The following RYR3 variants were observed in gnomAD, a reference collection of about 807,000 sequenced individuals.
RYR3 encodes brain ryanodine receptor-calcium release channel.
A neutral mutation model predicts 584.3 loss-of-function variants in RYR3; 207 were observed. The ratio of observed to expected loss-of-function variants is 0.35; its 90% CI spans 0.32 to 0.40. RYR3 has a LOEUF of 0.40. RYR3 is among the 10% of genes least tolerant of loss of function. RYR3 has a pLI of 1.00. For synonymous variants in RYR3, 2,416 were observed against 2,248.5 expected (o/e 1.07, Z -2.11); for missense variants, 5,616 against 6,089.2 (o/e 0.92, Z 2.59).
chr15:33,700,453 G>A (rs1044872196), intron 41 of RYR3, among the ~76,000 whole-genome samples: 2 of 152,134 alleles, frequency 1.3e-5, no homozygotes, highest in Non-Finnish European at 2.9e-5. Context: ...GAAGTTTCAC[G>A]GGTTTTTATT....
At chr15:33,762,030 C>G (rs559139558) in intron 60 of RYR3, among the ~76,000 whole-genome samples, 18 of 152,282 alleles carry the variant, frequency 1.2e-4, no homozygotes, top group African/African-American at 4.3e-4. Flanking sequence ...TCAATAGACT[C>G]AGAAAAGGCC....
In RYR3 at chr15:33,706,952, A is replaced by G; in HGVS notation, c.6517A>G (p.Ser2173Gly). The G allele has an allele frequency of 6.2e-7, 1 of 1,611,590 alleles. No individual in the cohort carries two copies. The highest frequency in any genetic ancestry group is 8.5e-7 in the Non-Finnish European group (1 of 1,178,778). The change falls in exon 43 of 104, where the codon AGC becomes GGC. Residue 2173 changes from serine (S) to glycine (G), a missense_variant. Transcript: ENST00000634891. ...VTYLAGCGLQ[S>G]CPMLLAKGYP... ...CTACTTGGCAGGCTGTGGCCTACAG[A>G]GCTGCCCCATGCTTCTGGCCAAAGG...
chr15:33,700,130 G>A (rs2066192979), intron 41 of RYR3, among the ~76,000 whole-genome samples: 1 of 152,128 alleles, frequency 6.6e-6, no homozygotes, highest in African/African-American at 2.4e-5. Context: ...AATGCCCCTG[G>A]GATTGCAGGT....
chr15:33,690,863 A>G (rs7170621), intron 38 of RYR3, among the ~76,000 whole-genome samples: 150,335 of 152,210 alleles, frequency 0.99, 74,261 homozygotes, highest in Middle Eastern at 1. Flanking sequence ...TTAATTTAAA[A>G]ATAAAAACCT....
At chr15:33,569,980 AT>A (rs1348139158) in intron 12 of RYR3, among the ~76,000 whole-genome samples, 2 of 151,764 alleles carry the variant, frequency 1.3e-5, no homozygotes, top group East Asian at 3.9e-4. Flanking sequence ...TCTGATTACA[AT>A]TTTTTTGCCA....
chr15:33,690,327 C>G (rs1307194348), intron 38 of RYR3, among the ~76,000 whole-genome samples: 1 of 152,188 alleles, frequency 6.6e-6, no homozygotes, highest in Non-Finnish European at 1.5e-5. Context: ...GCATTAGGAG[C>G]CCTTCAGGCT....
intron 8 of RYR3, among the ~76,000 whole-genome samples, chr15:33,546,907 G>T (rs117150600): frequency 0.022 from 3,395 of 152,230 alleles, 50 homozygotes; most frequent in Non-Finnish European, 0.035. Context: ...CTTCAATTGT[G>T]ATCCATACAA....
rs1362568397 is a variant in RYR3 at position 33,757,478 on chromosome 15, C to T, written c.8587C>T (p.Leu2863Phe). The T allele has an allele frequency of 1.2e-6, 2 of 1,605,424 alleles. No individual in the cohort carries two copies. The highest frequency in any genetic ancestry group is 1.3e-5 in the African/African-American group (1 of 74,798). ...TGATTTCTGGTGCGTTTCCCAGGTTCTCCTCCCGCTGGTTGACCAGTACTT... is the reference window on the plus strand; with the variant it reads ...TGATTTCTGGTGCGTTTCCCAGGTTTTCCTCCCGCTGGTTGACCAGTACTT... ...DQEIKFFAKVLLPLVDQYFTS... is the reference protein window; with the variant it reads ...DQEIKFFAKVFLPLVDQYFTS... The change falls in exon 60 of 104, where the codon CTC (leucine) becomes TTC (phenylalanine). Residue 2863 changes from leucine (L) to phenylalanine (F), a missense_variant. Leu to Phe is a conservative substitution (Grantham distance 22, BLOSUM62 0). Coordinates refer to ENST00000634891, the MANE Select transcript of RYR3 (RefSeq NM_001036.6).
intron 31 of RYR3, among the ~76,000 whole-genome samples, chr15:33,650,029 A>G (rs532901082): frequency 1.3e-5 from 2 of 152,320 alleles, no homozygotes; most frequent in East Asian, 1.9e-4. Context: ...ACCAAAGACT[A>G]GTAGCCAGAG....
chr15:33,668,190 G>A (rs898046403), intron 36 of RYR3, among the ~76,000 whole-genome samples: 3 of 150,892 alleles, frequency 2.0e-5, no homozygotes, highest in South Asian at 2.1e-4. Flanking sequence ...GTTGGCGGGC[G>A]CCTGTGGTCC....
rs77607218 is a variant in RYR3, at chr15:33,655,526, C to G, written c.4308+2643C>G. ...GAGGAGGACACTGTGACAGCTTTAGCCCACCTTTCACCATCCTTCTGGGTG... is the reference window on the plus strand; with the variant it reads ...GAGGAGGACACTGTGACAGCTTTAGGCCACCTTTCACCATCCTTCTGGGTG... On this transcript the variant is annotated intron_variant, in intron 32 of 103. Transcript: ENST00000634891. Among the ~76,000 whole-genome samples the G allele has an allele frequency of 5.1e-3, 782 of 152,300 alleles. 7 individuals carry two copies. The highest frequency in any genetic ancestry group is 0.017 in the African/African-American group (716 of 41,556).
intron 1 of RYR3, among the ~76,000 whole-genome samples, chr15:33,461,561 A>G (rs997494627): frequency 1.3e-5 from 2 of 152,218 alleles, no homozygotes; most frequent in African/African-American, 4.8e-5. Flanking sequence ...TAGGGATACA[A>G]GATAAACAGA....
At chr15:33,741,241 G>C (rs376349603) in intron 51 of RYR3, among the ~76,000 whole-genome samples, 1 of 152,166 alleles carries the variant, frequency 6.6e-6, no homozygotes, top group African/African-American at 2.4e-5. Context: ...CAAGAATATG[G>C]GGTCATTATC....
chr15:33,583,580 T>C (rs2058696353), intron 14 of RYR3, among the ~76,000 whole-genome samples: 1 of 152,216 alleles, frequency 6.6e-6, no homozygotes, highest in African/African-American at 2.4e-5. Context: ...GCAGACTCTC[T>C]GGAAATACTT....
At position 33,859,278 on chromosome 15, in the gene RYR3, A is replaced by G. The variant is rs532107565; in HGVS notation, c.14143-297A>G. Among the ~76,000 whole-genome samples, 24 of 152,368 alleles carry G rather than the reference A, an allele frequency of 1.6e-4. 1 individual carries two copies. In the South Asian group the frequency reaches 5.0e-3, roughly 32 times the overall value. ...AAATGAGGAAAAATTATTATATGGC[A>G]TAGGCCATACTCATCAAGGCTTAAA... On this transcript the variant is annotated intron_variant, in intron 99 of 103. Coordinates refer to ENST00000634891, the MANE Select transcript of RYR3 (RefSeq NM_001036.6).
chr15:33,670,293 T>C (rs2063766863), intron 37 of RYR3, 126 bp from the exon 38 acceptor site: 1 of 952,000 alleles, frequency 1.1e-6, no homozygotes, highest in African/African-American at 1.7e-5. Context: ...ATAGTATCTT[T>C]AGAAAGCCTG....
At chr15:33,814,099 C>T (rs1464981722) in intron 74 of RYR3, among the ~76,000 whole-genome samples, 1 of 152,180 alleles carries the variant, frequency 6.6e-6, no homozygotes, top group East Asian at 1.9e-4. Context: ...GCCAGAGGCA[C>T]GATGCCTTCG....
intron 1 of RYR3, among the ~76,000 whole-genome samples, chr15:33,452,244 CA>C (rs2047193613): frequency 6.6e-6 from 1 of 152,208 alleles, no homozygotes; most frequent in Non-Finnish European, 1.5e-5. Flanking sequence ...AGAGTGCTGC[CA>C]GTTCATTGCA....
intron 38 of RYR3, among the ~76,000 whole-genome samples, chr15:33,690,154 T>A (rs1039358564): frequency 6.6e-6 from 1 of 152,194 alleles, no homozygotes. Context: ...TCAGCTAATG[T>A]TGGGGACAAA....
Sources: gnomAD v4.1 joint callset for allele counts (sites outside exome capture counted in the v4.1 genomes callset) on GRCh38, gnomAD v4.1.1 for gene constraint, MANE v1.5 for transcripts, NCBI Gene and HGNC (gene_info 2026-07-23, HGNC 2026-07-21) for gene names.